The following ANO10 variants were observed in gnomAD, a reference collection of about 807,000 sequenced individuals.
ANO10 encodes the protein anoctamin 10, also known as anoctamin-10.
A neutral mutation model predicts 74.7 loss-of-function variants in ANO10; 77 were observed. The ratio of observed to expected loss-of-function variants is 1.03; its 90% CI spans 0.86 to 1.25. The LOEUF (loss-of-function observed/expected upper bound fraction) is 1.25. Among genes scored for constraint, ANO10 ranks in the 50% most tolerant of loss-of-function variants. The probability of loss-of-function intolerance (pLI) is 0.00; values close to 1 mark genes in which losing one functional copy is unlikely to be tolerated. For synonymous variants in ANO10, 279 were observed against 284.9 expected (o/e 0.98, Z 0.21); for missense variants, 721 against 778.1 (o/e 0.93, Z 0.87).
intron 1 of ANO10, among the ~76,000 whole-genome samples, chr3:43,658,983 T>C (rs577025004): frequency 3.3e-5 from 5 of 152,314 alleles, no homozygotes; most frequent in African/African-American, 1.2e-4. Flanking sequence ...AATATTTATA[T>C]TTTGTGCACT....
intron 9 of ANO10, among the ~76,000 whole-genome samples, chr3:43,559,774 T>G (rs2079937418): frequency 6.6e-6 from 1 of 152,134 alleles, no homozygotes; most frequent in Non-Finnish European, 1.5e-5. Context: ...AATGGGAACT[T>G]TTATCCCATA....
chr3:43,432,765 CA>C, intron 11 of ANO10, 38 bp from the exon 12 acceptor site: 1 of 1,280,732 alleles, frequency 7.8e-7, no homozygotes, highest in East Asian at 2.3e-5. Flanking sequence ...TGTGATACAT[CA>C]GACCATATAT....
chr3:43,493,675 CAG>C (rs567939615), intron 11 of ANO10, among the ~76,000 whole-genome samples: 22 of 152,128 alleles, frequency 1.4e-4, no homozygotes, highest in Admixed American at 1.3e-3. Flanking sequence ...GATAAACAAA[CAG>C]AAAATGATCT....
At chr3:43,558,601 C>T (rs2079876482) in intron 9 of ANO10, among the ~76,000 whole-genome samples, 1 of 152,098 alleles carries the variant, frequency 6.6e-6, no homozygotes. Flanking sequence ...AAGTTTCGGC[C>T]AAATTGCTTT....
At chr3:43,654,697 G>A (rs2083827657) in intron 1 of ANO10, among the ~76,000 whole-genome samples, 1 of 152,158 alleles carries the variant, frequency 6.6e-6, no homozygotes, top group African/African-American at 2.4e-5. Context: ...CCAGAAGATG[G>A]ACAAGAGAAG....
chr3:43,616,747 G>A (rs1286040911), intron 1 of ANO10, among the ~76,000 whole-genome samples: 1 of 152,044 alleles, frequency 6.6e-6, no homozygotes, highest in East Asian at 1.9e-4. Context: ...GCACATACAG[G>A]CCAGCTTACT....
chr3:43,609,183 G>A (rs756038027), intron 1 of ANO10, among the ~76,000 whole-genome samples: 18 of 152,096 alleles, frequency 1.2e-4, no homozygotes, highest in East Asian at 5.8e-4. Context: ...CAAGAAGTTC[G>A]TTTCCCATGA....
intron 12 of ANO10, among the ~76,000 whole-genome samples, chr3:43,424,341 T>C (rs908939314): frequency 6.6e-6 from 1 of 152,188 alleles, no homozygotes; most frequent in African/African-American, 2.4e-5. Context: ...GAAACTTAGT[T>C]TATAGTTTAA....
chr3:43,595,791 G>C (rs886454552), intron 4 of ANO10, among the ~76,000 whole-genome samples: 2 of 152,102 alleles, frequency 1.3e-5, no homozygotes. Flanking sequence ...GAAATAAAGG[G>C]TATTCAATTA....
chr3:43,521,283 C>G (rs1330862796), intron 11 of ANO10, among the ~76,000 whole-genome samples: 1 of 152,168 alleles, frequency 6.6e-6, no homozygotes, highest in African/African-American at 2.4e-5. Flanking sequence ...ATGATGTTAA[C>G]TGCAGGTTTT....
chr3:43,428,803 A>AAAAAAAAAAC (rs1172581888), intron 12 of ANO10, among the ~76,000 whole-genome samples: 1 of 149,996 alleles, frequency 6.7e-6, no homozygotes, highest in East Asian at 1.9e-4. Context: ...ATGCAAAAAA[A>AAAAAAAAAAC]AAAAAAAAAA....
At chr3:43,434,448 C>T (rs149945354) in intron 11 of ANO10, among the ~76,000 whole-genome samples, 44 of 152,256 alleles carry the variant, frequency 2.9e-4, no homozygotes, top group African/African-American at 9.1e-4. Flanking sequence ...TAATTTTATA[C>T]AAGACAATCT....
At chr3:43,401,458 T>A (rs902985190) in intron 12 of ANO10, among the ~76,000 whole-genome samples, 1 of 145,540 alleles carries the variant, frequency 6.9e-6, no homozygotes, top group Non-Finnish European at 1.6e-5. Flanking sequence ...AAGAATAGAT[T>A]CTTTGTTAAT....
At chr3:43,382,363 C>T (rs1471206631) in intron 12 of ANO10, among the ~76,000 whole-genome samples, 1 of 151,642 alleles carries the variant, frequency 6.6e-6, no homozygotes, top group Non-Finnish European at 1.5e-5. Flanking sequence ...ACTAAAAATA[C>T]AAAAAATTAG....
chr3:43,493,328 G>A (rs892963730), intron 11 of ANO10, among the ~76,000 whole-genome samples: 2 of 152,032 alleles, frequency 1.3e-5, no homozygotes, highest in Admixed American at 6.6e-5. Context: ...TAATGTAGGT[G>A]ACAGGTTGAT....
intron 1 of ANO10, among the ~76,000 whole-genome samples, chr3:43,611,999 G>A (rs2082840743): frequency 1.3e-5 from 2 of 151,380 alleles, no homozygotes; most frequent in South Asian, 4.2e-4. Context: ...TCTTTCCTTG[G>A]TTTCCAGAAT....
chr3:43,595,168 G>A (rs1336808707), intron 4 of ANO10, among the ~76,000 whole-genome samples: 5 of 151,940 alleles, frequency 3.3e-5, no homozygotes, highest in African/African-American at 7.3e-5. Flanking sequence ...ATTCACAGCC[G>A]AATTCTACCA....
chr3:43,474,319 T>A (rs2075984452), intron 11 of ANO10, among the ~76,000 whole-genome samples: 1 of 148,778 alleles, frequency 6.7e-6, no homozygotes, highest in Non-Finnish European at 1.5e-5. Context: ...TTATCAAAAC[T>A]AATATGTTGT....
At chr3:43,414,967 C>CTTTTTTTTTTTTTT (rs60554785) in intron 12 of ANO10, among the ~76,000 whole-genome samples, 5 of 66,602 alleles carry the variant, frequency 7.5e-5, no homozygotes, top group Non-Finnish European at 1.3e-4. Context: ...TGTCATTGTG[C>CTTTTTTTTTTTTTT]TTTTTTTTTT....
Sources: gnomAD v4.1 joint callset for allele counts (sites outside exome capture counted in the v4.1 genomes callset) on GRCh38, gnomAD v4.1.1 for gene constraint, MANE v1.5 for transcripts, NCBI Gene and HGNC (gene_info 2026-07-23, HGNC 2026-07-21) for gene names.